Variants in EPHA5 observed in about 807,000 individuals in gnomAD.
EPHA5 encodes EPH receptor A5, also known as ephrin type-A receptor 5.
A neutral mutation model predicts 105.0 loss-of-function variants in EPHA5; 60 were observed. The ratio of observed to expected loss-of-function variants is 0.57; its 90% CI spans 0.46 to 0.71. The LOEUF (loss-of-function observed/expected upper bound fraction) is 0.71. EPHA5 is among the 30% of genes least tolerant of loss of function. The pLI is 0.00. For synonymous variants in EPHA5, 513 were observed against 449.1 expected (o/e 1.14, Z -1.80); for missense variants, 1,218 against 1,274.7 (o/e 0.96, Z 0.68).
intron 5 of EPHA5, among the ~76,000 whole-genome samples, chr4:65,434,573 GT>G (rs1034289719): frequency 2.0e-5 from 3 of 151,842 alleles, no homozygotes; most frequent in East Asian, 1.9e-4. Context: ...TTTATGGAAG[GT>G]TTTTTTTGGA....
chr4:65,539,172 C>T (rs976289225), intron 3 of EPHA5, among the ~76,000 whole-genome samples: 10 of 151,488 alleles, frequency 6.6e-5, no homozygotes, highest in Admixed American at 1.3e-4. Context: ...AAAAAGTTTC[C>T]GAAAACAAAC....
At chr4:65,336,160 C>T (rs1721163834) in intron 14 of EPHA5, 35 bp from the exon 15 acceptor site, 2 of 1,537,162 alleles carry the variant, frequency 1.3e-6, no homozygotes, top group African/African-American at 1.4e-5. Flanking sequence ...CACCCCAACA[C>T]CACAAATTTA....
At chr4:65,568,646 A>G (rs1203725795) in intron 3 of EPHA5, among the ~76,000 whole-genome samples, 1 of 151,068 alleles carries the variant, frequency 6.6e-6, no homozygotes, top group Non-Finnish European at 1.5e-5. Flanking sequence ...CCATTTTCAA[A>G]GAATAAATTA....
intron 5 of EPHA5, among the ~76,000 whole-genome samples, chr4:65,457,506 A>T (rs141632448): frequency 6.6e-6 from 1 of 152,224 alleles, no homozygotes; most frequent in East Asian, 1.9e-4. Flanking sequence ...TTAATTTGAG[A>T]ATATATTATA....
intron 1 of EPHA5, among the ~76,000 whole-genome samples, chr4:65,651,403 T>C (rs1024832655): frequency 2.0e-5 from 3 of 152,226 alleles, no homozygotes; most frequent in Non-Finnish European, 4.4e-5. Flanking sequence ...ATACAACTTG[T>C]AAGTGGCAGA....
chr4:65,462,754 C>T (rs1728248205), intron 5 of EPHA5, among the ~76,000 whole-genome samples: 1 of 152,154 alleles, frequency 6.6e-6, no homozygotes, highest in Admixed American at 6.5e-5. Context: ...CCTTCTACAA[C>T]ACTCCATTAA....
chr4:65,510,315 G>T (rs1377414655), intron 3 of EPHA5, among the ~76,000 whole-genome samples: 1 of 151,684 alleles, frequency 6.6e-6, no homozygotes, highest in African/African-American at 2.4e-5. Flanking sequence ...AAAGTGCTGG[G>T]ATTACAGGCA....
intron 3 of EPHA5, among the ~76,000 whole-genome samples, chr4:65,562,110 C>T (rs563761325): frequency 6.6e-6 from 1 of 152,194 alleles, no homozygotes; most frequent in East Asian, 1.9e-4. Context: ...TTGAAGGTCA[C>T]TGGCCATCAT....
At chr4:65,585,477 T>C (rs1210706181) in intron 3 of EPHA5, among the ~76,000 whole-genome samples, 10 of 151,870 alleles carry the variant, frequency 6.6e-5, no homozygotes, top group African/African-American at 2.4e-4. Flanking sequence ...CAAGAGTGTT[T>C]TAATTGACCT....
intron 2 of EPHA5, among the ~76,000 whole-genome samples, chr4:65,607,863 T>G (rs1553951530): frequency 6.6e-6 from 1 of 152,164 alleles, no homozygotes; most frequent in Non-Finnish European, 1.5e-5. Flanking sequence ...AATCATTCTA[T>G]TATAAAGACA....
At chr4:65,623,384 A>G (rs960121357) in intron 2 of EPHA5, among the ~76,000 whole-genome samples, 4 of 151,436 alleles carry the variant, frequency 2.6e-5, no homozygotes, top group African/African-American at 9.7e-5. Context: ...TTGTTCTTTC[A>G]TTCAACAATT....
chr4:65,394,424 T>C (rs947755971), intron 8 of EPHA5, among the ~76,000 whole-genome samples: 1 of 152,136 alleles, frequency 6.6e-6, no homozygotes, highest in Non-Finnish European at 1.5e-5. Flanking sequence ...TATACAACAG[T>C]TTATGTTCTG....
At chr4:65,603,787 G>A (rs1448281385) in intron 2 of EPHA5, among the ~76,000 whole-genome samples, 1 of 151,842 alleles carries the variant, frequency 6.6e-6, no homozygotes, top group Non-Finnish European at 1.5e-5. Context: ...TCTCATTTTT[G>A]TCCTCTCTCA....
intron 3 of EPHA5, among the ~76,000 whole-genome samples, chr4:65,567,239 A>G (rs1456127304): frequency 6.6e-6 from 1 of 151,686 alleles, no homozygotes; most frequent in African/African-American, 2.4e-5. Context: ...AACTTGGTAG[A>G]TAATTTACTT....
intron 8 of EPHA5, among the ~76,000 whole-genome samples, chr4:65,372,464 A>C (rs62314065): frequency 0.11 from 17,106 of 151,866 alleles, 1,128 homozygotes; most frequent in Middle Eastern, 0.18. Context: ...AAACTGTGTG[A>C]GTCATTTATA....
At chr4:65,522,450 A>G (rs1734845403) in intron 3 of EPHA5, among the ~76,000 whole-genome samples, 1 of 151,862 alleles carries the variant, frequency 6.6e-6, no homozygotes, top group Admixed American at 6.6e-5. Flanking sequence ...TAATTAAAAA[A>G]GCAATCCTGA....
rs1015768422 is a variant in EPHA5 at position 65,323,088 on chromosome 4, T to C, written c.*1026A>G. 4.4e-6 allele frequency: 1 copy of C among 228,814 alleles called. No homozygotes were observed. Among genetic ancestry groups the C allele is most frequent in the African/African-American group, 2.2e-5 (1 of 45,058 alleles). The allele number at this position is 228,814 out of a possible 1,614,324, so 14.2% of individuals were successfully genotyped here. A position where few individuals can be genotyped will look rare whatever the true frequency, so the allele number is the denominator to read the frequency against. The stretch of plus-strand genomic sequence containing the variant: ...TTTCAGGACTCAGAAAGGTGAAATT[T>C]CTTACAGGGGTACAAGATTAATGGC... On this transcript the variant is annotated 3_prime_UTR_variant, in exon 17 of 17. Coordinates refer to ENST00000613740, the MANE Select transcript of EPHA5 (RefSeq NM_001281766.3).
intron 8 of EPHA5, among the ~76,000 whole-genome samples, chr4:65,387,617 G>A (rs1429988325): frequency 6.6e-6 from 1 of 151,838 alleles, no homozygotes; most frequent in Non-Finnish European, 1.5e-5. Context: ...AATTACTAGA[G>A]AAGAGGTAAA....
At chr4:65,409,793 T>G (rs548896660) in intron 7 of EPHA5, among the ~76,000 whole-genome samples, 55 of 152,254 alleles carry the variant, frequency 3.6e-4, no homozygotes, top group African/African-American at 1.3e-3. Context: ...GGTAGGCAAA[T>G]AAGTGCATGA....
Sources: gnomAD v4.1 joint callset for allele counts (sites outside exome capture counted in the v4.1 genomes callset) on GRCh38, gnomAD v4.1.1 for gene constraint, MANE v1.5 for transcripts, NCBI Gene and HGNC (gene_info 2026-07-23, HGNC 2026-07-21) for gene names.